CASP10: variants seen among roughly 807,000 people sequenced by gnomAD.
CASP10 encodes the protein caspase 10, also known as caspase-10.
CASP10 carries 41 observed loss-of-function variants against 48.5 expected under a neutral mutation model. The ratio of observed to expected loss-of-function variants is 0.85; its 90% confidence interval spans 0.66 to 1.10. CASP10 has a LOEUF of 1.10. CASP10 is among the 50% of genes least tolerant of loss of function. CASP10 has a pLI of 0.00. For synonymous variants in CASP10, 232 were observed against 238.4 expected (o/e 0.97, Z 0.25); for missense variants, 614 against 614.5 (o/e 1.00, Z 0.01).
chr2:201,198,539 C>CTTTTTTTTTTTTTTTTTTTTTTATTTTTT (rs34234167), intron 5 of CASP10, among the ~76,000 whole-genome samples: 1 of 87,980 alleles, frequency 1.1e-5, no homozygotes, highest in Non-Finnish European at 2.1e-5. Context: ...TTTTTTAATT[C>CTTTTTTTTTTTTTTTTTTTTTTATTTTTT]TTTTTTTTTT....
downstream of CASP10, among the ~76,000 whole-genome samples, chr2:201,226,059 A>G (rs1214635870): frequency 6.6e-6 from 1 of 152,248 alleles, no homozygotes; most frequent in Non-Finnish European, 1.5e-5. Flanking sequence ...ATATATGTAC[A>G]TATACTATAT....
chr2:201,185,725 T>C (rs1944390953), intron 1 of CASP10, 46 bp from the exon 2 acceptor site: 3 of 1,260,162 alleles, frequency 2.4e-6, no homozygotes, highest in Admixed American at 1.7e-5. Context: ...GGGGGCCATA[T>C]GTCCTCACTC....
Position 201,185,930 on chromosome 2 carries a change from G to A in CASP10, c.153G>A (p.Lys51=), listed in dbSNP as rs750385913. The change falls in exon 2 of 10, where the codon AAG becomes AAA. Residue 51 remains lysine, a synonymous_variant. Transcript: ENST00000286186. ...FLCIGLVPNK[K]LEKSSSASDV... Reference sequence around the variant, plus strand: ...GCATAGGATTGGTCCCCAACAAGAAGCTGGAGAAGTCCAGCTCAGCCTCAG... The same window carrying A: ...GCATAGGATTGGTCCCCAACAAGAAACTGGAGAAGTCCAGCTCAGCCTCAG... 4 of 1,614,046 alleles carry A rather than the reference G, an allele frequency of 2.5e-6. No homozygotes were observed. Among genetic ancestry groups the A allele is most frequent in the Non-Finnish European group, 3.4e-6 (4 of 1,180,028 alleles).
intron 5 of CASP10, chr2:201,200,522 G>C: frequency 6.3e-7 from 1 of 1,598,138 alleles, no homozygotes; most frequent in Non-Finnish European, 8.5e-7. Context: ...CTTGGCAAAG[G>C]CTGGGCAAAC....
In CASP10 at chr2:201,219,236, C is replaced by T. The variant is rs1273515538; in HGVS notation, c.*1495C>T. Reference sequence around the variant, plus strand: ...GGTGAGCCAAGATGACACAACTGCACTCCAGCTTGGGCAACAGGGCGAGAC... The same window carrying T: ...GGTGAGCCAAGATGACACAACTGCATTCCAGCTTGGGCAACAGGGCGAGAC... On this transcript the variant is annotated 3_prime_UTR_variant, in exon 10 of 10. Coordinates refer to ENST00000286186, the MANE Select transcript of CASP10 (RefSeq NM_032977.4). 1.0e-5 allele frequency: 2 copies of T among 194,820 alleles called. No individual in the cohort carries two copies. The highest frequency in any genetic ancestry group is 4.7e-5 in the African/African-American group (2 of 42,180). The allele number at this position is 194,820 out of a possible 1,614,324, so 12.1% of individuals were successfully genotyped here.
intron 2 of CASP10, among the ~76,000 whole-genome samples, chr2:201,186,688 C>T (rs1214258601): frequency 6.6e-6 from 1 of 151,974 alleles, no homozygotes; most frequent in Non-Finnish European, 1.5e-5. Flanking sequence ...TGGATGACAG[C>T]GTTTTATTTT....
rs778362369 is a variant in CASP10, at chr2:201,195,963, G to T, written c.684+15G>T. ...AAGCCTTACCGGTAGGTTCAGTGGT[G>T]TGCTGGTCAATGCTTAACAACCGGC... On this transcript the variant is annotated intron_variant, in intron 5 of 9. Coordinates refer to ENST00000286186, the MANE Select transcript of CASP10 (RefSeq NM_032977.4). 1 of 1,566,184 alleles carries T rather than the reference G, an allele frequency of 6.4e-7. No individual in the cohort carries two copies. The highest frequency in any genetic ancestry group is 1.7e-4 in the Middle Eastern group (1 of 5,988).
chr2:201,193,405 A>G (rs538567770), intron 4 of CASP10: 8 of 359,504 alleles, frequency 2.2e-5, no homozygotes, highest in African/African-American at 1.5e-4. Context: ...ACAGGGTTTC[A>G]CTATGTTGGC....
intron 3 of CASP10, among the ~76,000 whole-genome samples, chr2:201,189,553 A>G (rs1395461928): frequency 6.6e-6 from 1 of 152,130 alleles, no homozygotes; most frequent in Non-Finnish European, 1.5e-5. Context: ...GGCATGAACC[A>G]CTGTGCTTTG....
chr2:201,198,678 C>T (rs1225305617), intron 5 of CASP10, among the ~76,000 whole-genome samples: 1 of 151,164 alleles, frequency 6.6e-6, no homozygotes, highest in African/African-American at 2.4e-5. Flanking sequence ...GTAGCTGGGA[C>T]CACAGGCGCC....
intron 4 of CASP10, among the ~76,000 whole-genome samples, chr2:201,194,449 T>C (rs1371737328): frequency 3.9e-5 from 6 of 152,214 alleles, no homozygotes; most frequent in Non-Finnish European, 4.4e-5. Flanking sequence ...TATACTGTTG[T>C]CAAACTGATA....
chr2:201,208,682 G>T (rs2036862942), intron 8 of CASP10, among the ~76,000 whole-genome samples: 1 of 150,262 alleles, frequency 6.7e-6, no homozygotes, highest in South Asian at 2.1e-4. Context: ...CATTGTTTCA[G>T]TTTTTTTTTT....
In CASP10 at chr2:201,185,934, G is replaced by T. The variant is rs1804650; in HGVS notation, c.157G>T (p.Glu53Ter). Residue 53 changes from glutamate (E) to a stop codon, truncating the protein, a stop_gained, in exon 2 of 10, where the codon GAG becomes TAG. Transcript: ENST00000286186. LOFTEE classifies it high-confidence loss of function. The part of the protein sequence containing the change: ...CIGLVPNKKL[E>*]KSSSASDVFE... ...AGGATTGGTCCCCAACAAGAAGCTG[G>T]AGAAGTCCAGCTCAGCCTCAGATGT... The T allele has an allele frequency of 1.2e-6, 2 of 1,614,158 alleles. No homozygotes were observed. Among genetic ancestry groups the T allele is most frequent in the Non-Finnish European group, 1.7e-6 (2 of 1,180,028 alleles).
chr2:201,228,992 G>A (rs1945826138), exon 10 of CASP10: 1 of 1,614,068 alleles, frequency 6.2e-7, no homozygotes, highest in Non-Finnish European at 8.5e-7. Flanking sequence ...ACAGTGTGGG[G>A]TGCTAAACAG....
At position 201,218,102 on chromosome 2, in the gene CASP10, A is replaced by G. The variant is rs1313438863; in HGVS notation, c.*361A>G. The G allele has an allele frequency of 1.6e-5, 12 of 750,532 alleles. No homozygotes were observed. Among genetic ancestry groups the G allele is most frequent in the Non-Finnish European group, 2.1e-5 (12 of 565,576 alleles). The allele number at this position is 750,532 out of a possible 1,614,324, so 46.5% of individuals were successfully genotyped here. ...ATTTTTTTTATTCTTTATTTTTTGTAGAGATGGAGGGATCTCACTTTGTTG... is the reference window on the plus strand; with the variant it reads ...ATTTTTTTTATTCTTTATTTTTTGTGGAGATGGAGGGATCTCACTTTGTTG... On this transcript the variant is annotated 3_prime_UTR_variant, in exon 10 of 10. Transcript: ENST00000286186.
At chr2:201,226,122 A>C (rs563584581), downstream of CASP10, among the ~76,000 whole-genome samples, 30 of 152,376 alleles carry the variant, frequency 2.0e-4, no homozygotes, top group African/African-American at 6.0e-4. Context: ...CTAGATGGGC[A>C]AAAATATAAA....
At chr2:201,204,344 A>C (rs887788186) in intron 6 of CASP10, among the ~76,000 whole-genome samples, 8 of 152,052 alleles carry the variant, frequency 5.3e-5, no homozygotes, top group African/African-American at 1.9e-4. Context: ...GTCACAGACC[A>C]TTCCTCATTT....
intron 3 of CASP10, among the ~76,000 whole-genome samples, chr2:201,188,311 C>T (rs1465301805): frequency 2.6e-5 from 4 of 152,054 alleles, no homozygotes; most frequent in Non-Finnish European, 5.9e-5. Context: ...TCCCTAGTAG[C>T]TGGGATTACA....
intron 2 of CASP10, among the ~76,000 whole-genome samples, chr2:201,186,632 C>A (rs1417072328): frequency 6.6e-6 from 1 of 152,174 alleles, no homozygotes; most frequent in Non-Finnish European, 1.5e-5. Flanking sequence ...AAGGTAAAAA[C>A]AGGCATTTTG....
Sources: gnomAD v4.1 joint callset for allele counts (sites outside exome capture counted in the v4.1 genomes callset) on GRCh38, gnomAD v4.1.1 for gene constraint, MANE v1.5 for transcripts, NCBI Gene and HGNC (gene_info 2026-07-23, HGNC 2026-07-21) for gene names.